Variants in NARS2 observed in about 807,000 individuals in gnomAD.
The protein encoded by NARS2 is asparaginyl-tRNA synthetase.
Under a neutral mutation model 62.9 loss-of-function variants are expected in NARS2, and 60 were observed. The ratio of observed to expected loss-of-function variants is 0.95; its 90% CI spans 0.77 to 1.18. The LOEUF (loss-of-function observed/expected upper bound fraction) is 1.18, where lower values mean the gene tolerates loss of function less well. Among genes scored for constraint, NARS2 ranks in the 50% most tolerant of loss-of-function variants. The pLI is 0.00. For synonymous variants in NARS2, 196 were observed against 200.0 expected, an observed-to-expected ratio of 0.98 and a Z score of 0.17; for missense variants, 619 against 576.4, an observed-to-expected ratio of 1.07 and a Z score of -0.76.
chr11:78,437,267 A>C (rs1249962201), intron 13 of NARS2, among the ~76,000 whole-genome samples: 2 of 152,186 alleles, frequency 1.3e-5, no homozygotes, highest in Non-Finnish European at 2.9e-5. Flanking sequence ...TTATGAAAAG[A>C]TATCCTATAG....
chr11:78,438,417 T>A (rs1474251752), intron 13 of NARS2, among the ~76,000 whole-genome samples: 1 of 152,184 alleles, frequency 6.6e-6, no homozygotes, highest in Non-Finnish European at 1.5e-5. Flanking sequence ...GACTCAGTGA[T>A]GAAATGAACA....
intron 9 of NARS2, among the ~76,000 whole-genome samples, chr11:78,476,089 T>C (rs559709633): frequency 2.6e-5 from 4 of 152,326 alleles, no homozygotes; most frequent in Admixed American, 2.0e-4. Context: ...ATGCTGAGGC[T>C]AGGTGGGGTG....
intron 13 of NARS2, among the ~76,000 whole-genome samples, chr11:78,440,314 C>CA (rs2135132579): frequency 6.6e-6 from 1 of 151,834 alleles, no homozygotes; most frequent in African/African-American, 2.4e-5. Context: ...TCCACCCACC[C>CA]AGGCCTCCCA....
At chr11:78,466,827 C>T in intron 10 of NARS2, among the ~76,000 whole-genome samples, 1 of 152,112 alleles carries the variant, frequency 6.6e-6, no homozygotes, top group East Asian at 1.9e-4. Flanking sequence ...ATGAGATGCT[C>T]TTTGATGAAT....
chr11:78,465,887 G>A lies in NARS2; in HGVS notation c.1153C>T (p.Pro385Ser). 3 of 1,614,086 alleles carry A rather than the reference G, an allele frequency of 1.9e-6. No individual in the cohort carries two copies. In the South Asian group the frequency reaches 3.3e-5, roughly 18 times the overall value. Reference sequence around the variant, plus strand: ...GTATCTCTTCTTACCGTGTGCTGAGGGCCATCTTCATTATCCCTCATGTAG... The same window carrying A: ...GTATCTCTTCTTACCGTGTGCTGAGAGCCATCTTCATTATCCCTCATGTAG... Reference protein sequence around the residue: ...PFYMRDNEDGPQHTVAAVDLL... With the variant: ...PFYMRDNEDGSQHTVAAVDLL... The change falls in exon 11 of 14, where the codon CCT becomes TCT. Residue 385 changes from proline to serine, a missense_variant. Transcript: ENST00000281038.
At chr11:78,546,823 C>T (rs1855896192) in intron 5 of NARS2, among the ~76,000 whole-genome samples, 1 of 152,206 alleles carries the variant, frequency 6.6e-6, no homozygotes, top group African/African-American at 2.4e-5. Context: ...GGATCATACA[C>T]ATTGCTTTGT....
chr11:78,515,492 G>C (rs991324239), intron 6 of NARS2, among the ~76,000 whole-genome samples: 6 of 152,118 alleles, frequency 3.9e-5, no homozygotes, highest in Non-Finnish European at 8.8e-5. Flanking sequence ...ACAACTTTGT[G>C]ATCATAGTAA....
chr11:78,443,607 T>C lies in NARS2; in HGVS notation c.1262+54A>G, dbSNP rs976749926. The C allele has an allele frequency of 7.4e-6, 10 of 1,349,390 alleles. No individual in the cohort carries two copies. The Admixed American group carries it at 1.0e-4, about 14-fold the overall frequency. The allele number at this position is 1,349,390 out of a possible 1,614,324, so 83.6% of individuals were successfully genotyped here. A position where few individuals can be genotyped will look rare whatever the true frequency, so the allele number is the denominator to read the frequency against. On this transcript the variant is annotated intron_variant, in intron 12 of 13. Transcript: ENST00000281038. The stretch of plus-strand genomic sequence containing the variant: ...TCTGTTACTATGCAATGACCACCTT[T>C]GAGCGCCTTATGCTCAATTTCTCAA...
rs1028256859 is a variant in NARS2 at position 78,521,707 on chromosome 11, G to A, written c.689+7135C>T. On this transcript the variant is annotated intron_variant, in intron 6 of 13. Coordinates refer to ENST00000281038, the MANE Select transcript of NARS2 (RefSeq NM_024678.6). ...TGGGAGGCTGAGGCAGGAGAATGGC[G>A]TGAACCCGGGAGGCGGAGCTTGCAG... Among the ~76,000 whole-genome samples the A allele has an allele frequency of 2.3e-4, 34 of 146,006 alleles. No individual in the cohort carries two copies. In the South Asian group the frequency reaches 3.9e-3, roughly 17 times the overall value.
chr11:78,467,636 A>G (rs1281345489), intron 10 of NARS2, among the ~76,000 whole-genome samples: 1 of 152,160 alleles, frequency 6.6e-6, no homozygotes, highest in Non-Finnish European at 1.5e-5. Context: ...AGAGAGTTGT[A>G]CAGTGGTTGT....
At chr11:78,521,933 T>TTA (rs996646990) in intron 6 of NARS2, among the ~76,000 whole-genome samples, 3 of 152,254 alleles carry the variant, frequency 2.0e-5, no homozygotes, top group Middle Eastern at 3.4e-3. Flanking sequence ...ATTTCATAGT[T>TTA]ATTAGACAAA....
intron 5 of NARS2, among the ~76,000 whole-genome samples, chr11:78,544,237 GCTTATAACT>G (rs980221180): frequency 7.0e-4 from 107 of 152,130 alleles, no homozygotes; most frequent in African/African-American, 2.4e-3. Context: ...TTACTCCTTT[GCTTATAACT>G]CTCCAAAGAC....
intron 11 of NARS2, among the ~76,000 whole-genome samples, chr11:78,464,067 G>A (rs1447198995): frequency 6.6e-6 from 1 of 152,148 alleles, no homozygotes; most frequent in East Asian, 1.9e-4. Context: ...TCCTTCTGAT[G>A]TTCGGATGTG....
At chr11:78,451,846 T>C (rs773075519) in intron 11 of NARS2, among the ~76,000 whole-genome samples, 6 of 152,202 alleles carry the variant, frequency 3.9e-5, no homozygotes, top group Admixed American at 6.5e-5. Context: ...AGTGTGCTTT[T>C]AGAGTACTGC....
intron 6 of NARS2, among the ~76,000 whole-genome samples, chr11:78,493,573 G>A (rs1039139550): frequency 5.9e-5 from 9 of 151,786 alleles, no homozygotes; most frequent in Non-Finnish European, 1.0e-4. Flanking sequence ...CAGGAGGATC[G>A]TTTGAGTCCA....
intron 11 of NARS2, among the ~76,000 whole-genome samples, chr11:78,463,796 A>C (rs1858496926): frequency 6.6e-6 from 1 of 151,564 alleles, no homozygotes; most frequent in Non-Finnish European, 1.5e-5. Flanking sequence ...CAGAGAAGAG[A>C]CGGTCAGACA....
At chr11:78,514,626 T>C (rs1266903306) in intron 6 of NARS2, among the ~76,000 whole-genome samples, 1 of 152,102 alleles carries the variant, frequency 6.6e-6, no homozygotes, top group Non-Finnish European at 1.5e-5. Flanking sequence ...CTTCATATAC[T>C]TTTTCTGCTT....
chr11:78,513,242 T>C (rs1860780719), intron 6 of NARS2, among the ~76,000 whole-genome samples: 1 of 152,126 alleles, frequency 6.6e-6, no homozygotes, highest in Non-Finnish European at 1.5e-5. Flanking sequence ...GGAGTGAGAC[T>C]GTCTCAAAAA....
intron 5 of NARS2, among the ~76,000 whole-genome samples, chr11:78,542,098 A>T (rs1012475691): frequency 1.3e-5 from 2 of 152,214 alleles, no homozygotes; most frequent in East Asian, 1.9e-4. Context: ...CTTTCTTAAA[A>T]TAAGGGTTCA....
Sources: gnomAD v4.1 joint callset for allele counts (sites outside exome capture counted in the v4.1 genomes callset) on GRCh38, gnomAD v4.1.1 for gene constraint, MANE v1.5 for transcripts, NCBI Gene and HGNC (gene_info 2026-07-23, HGNC 2026-07-21) for gene names.